CPS1: variants seen among roughly 807,000 people sequenced by gnomAD.
The protein encoded by CPS1 is carbamoyl-phosphate synthase 1, also known as carbamoyl-phosphate synthase [ammonia], mitochondrial.
In CPS1, 109 loss-of-function variants were observed where a neutral mutation model predicts 174.6. That is an observed-to-expected ratio of 0.62 (90% CI 0.53 to 0.73). The LOEUF (loss-of-function observed/expected upper bound fraction) is 0.73. Ranked by LOEUF, CPS1 falls within the 30% of genes least tolerant of loss-of-function variation. The pLI is 0.00. For missense variants in CPS1, 1,689 were observed against 1,821.9 expected, an observed-to-expected ratio of 0.93 and a Z score of 1.33; for synonymous variants, 637 against 632.0, an observed-to-expected ratio of 1.01 and a Z score of -0.12.
chr2:210,630,170 C>T (rs1699825012), intron 21 of CPS1, among the ~76,000 whole-genome samples: 2 of 151,550 alleles, frequency 1.3e-5, no homozygotes, highest in East Asian at 3.9e-4. Context: ...CTACATTAAG[C>T]GTTTTTCTTC....
At chr2:210,593,400 G>T in intron 11 of CPS1, 4 of 1,068,370 alleles carry the variant, frequency 3.7e-6, no homozygotes, top group Non-Finnish European at 4.5e-6. Context: ...GAGGGGAAGG[G>T]TGTTGGAGGG....
intron 21 of CPS1, chr2:210,619,156 A>C (rs1699418290): frequency 1.3e-5 from 2 of 152,138 alleles, no homozygotes; most frequent in African/African-American, 4.8e-5. Context: ...TTGGGAAAAG[A>C]GAAGTAAATT....
intron 21 of CPS1, among the ~76,000 whole-genome samples, chr2:210,630,312 A>T (rs888082725): frequency 6.6e-6 from 1 of 152,186 alleles, no homozygotes; most frequent in Non-Finnish European, 1.5e-5. Context: ...AGCAAAAAAG[A>T]ACAGGAAATT....
At chr2:210,657,850 T>C (rs974816719) in intron 30 of CPS1, among the ~76,000 whole-genome samples, 7 of 152,330 alleles carry the variant, frequency 4.6e-5, no homozygotes, top group Admixed American at 2.6e-4. Context: ...GGATCTCAAA[T>C]GTACTTCAGT....
intron 21 of CPS1, among the ~76,000 whole-genome samples, chr2:210,627,057 A>G (rs1699720052): frequency 6.6e-6 from 1 of 152,086 alleles, no homozygotes; most frequent in African/African-American, 2.4e-5. Flanking sequence ...CTTTTGCGAG[A>G]TATGACTTTT....
intron 6 of CPS1, among the ~76,000 whole-genome samples, chr2:210,585,502 G>T (rs1005982833): frequency 6.6e-6 from 1 of 151,828 alleles, no homozygotes; most frequent in Non-Finnish European, 1.5e-5. Context: ...ATATGAGATG[G>T]GTATTATTAG....
chr2:210,658,309 C>T (rs1408956703), intron 30 of CPS1: 3 of 366,836 alleles, frequency 8.2e-6, no homozygotes, highest in Non-Finnish European at 1.6e-5. Context: ...TCATTTAACC[C>T]TCAATGTAAA....
intron 1 of CPS1, among the ~76,000 whole-genome samples, chr2:210,542,729 A>G (rs1352097429): frequency 6.6e-6 from 1 of 152,094 alleles, no homozygotes; most frequent in African/African-American, 2.4e-5. Context: ...AAAATAAAAA[A>G]CATAAAAACA....
rs550369890 is a variant in CPS1, at chr2:210,492,649, A to G, written c.3+14883A>G. Among the ~76,000 whole-genome samples the G allele has an allele frequency of 5.3e-5, 8 of 152,226 alleles. No individual in the cohort carries two copies. The East Asian group carries it at 1.3e-3, about 26-fold the overall frequency. Reference sequence around the variant, plus strand: ...GGTTACATACTCAGGATATGTAGTAAGAGTGCACAAAAATTGAATTATTAA... The same window carrying G: ...GGTTACATACTCAGGATATGTAGTAGGAGTGCACAAAAATTGAATTATTAA... On this transcript the variant is annotated intron_variant, in intron 1 of 38. Coordinates refer to the CPS1 transcript ENST00000430249.
Position 210,595,501 on chromosome 2 carries a change from T to C in CPS1, c.1278T>C (p.Leu426=), listed in dbSNP as rs756314968. Residue 426 remains leucine, a synonymous_variant, in exon 13 of 38, where the codon CTT becomes CTC. Transcript: ENST00000233072. ...ATTGCTTATAGGTTTCCAAAGTCCT[T>C]ATTCTAGGATCAGGAGGTCTGTCCA... The part of the protein sequence containing the change: ...VASRVEVSKV[L]ILGSGGLSIG... 1 of 1,610,200 alleles carries C rather than the reference T, an allele frequency of 6.2e-7. No individual in the cohort carries two copies. Among genetic ancestry groups the C allele is most frequent in the African/African-American group, 1.3e-5 (1 of 74,692 alleles).
intron 1 of CPS1, among the ~76,000 whole-genome samples, chr2:210,523,489 C>T (rs967947460): frequency 1.8e-4 from 28 of 151,996 alleles, no homozygotes; most frequent in African/African-American, 6.8e-4. Context: ...TCTCTCACCT[C>T]CTTCCTACCC....
intron 6 of CPS1, among the ~76,000 whole-genome samples, chr2:210,586,443 A>G (rs1319908456): frequency 6.6e-6 from 1 of 152,060 alleles, no homozygotes; most frequent in Non-Finnish European, 1.5e-5. Flanking sequence ...GTGATGATAG[A>G]TGATAGAATG....
At position 210,625,490 on chromosome 2, in the gene CPS1, C is replaced by G. The variant is rs751554450; in HGVS notation, c.2687+8949C>G. ...TTTTAGGAGGTATGTGTCTCTATCCCATATTTTATGAAAGAAATGATGACT... is the reference window on the plus strand; with the variant it reads ...TTTTAGGAGGTATGTGTCTCTATCCGATATTTTATGAAAGAAATGATGACT... On this transcript the variant is annotated intron_variant, in intron 21 of 37. Coordinates refer to ENST00000233072, the MANE Select transcript of CPS1 (RefSeq NM_001875.5). Among the ~76,000 whole-genome samples, 4 of 152,006 alleles carry G rather than the reference C, an allele frequency of 2.6e-5. No individual in the cohort carries two copies. In the South Asian group the frequency reaches 8.3e-4, roughly 32 times the overall value.
chr2:210,565,399 A>G (rs1335946891), intron 1 of CPS1, among the ~76,000 whole-genome samples: 2 of 152,180 alleles, frequency 1.3e-5, no homozygotes. Context: ...CAGACTAAAA[A>G]ATGCCAAACT....
At chr2:210,549,016 A>G (rs922938176) in intron 1 of CPS1, among the ~76,000 whole-genome samples, 9 of 152,082 alleles carry the variant, frequency 5.9e-5, no homozygotes, top group Admixed American at 4.6e-4. Flanking sequence ...GAATGTGCGT[A>G]GGTGACCTGT....
chr2:210,599,547 CA>C lies in CPS1; in HGVS notation c.1536del (p.Ala513LeufsTer2). On this transcript the variant is annotated frameshift_variant, in exon 14 of 38. Transcript: ENST00000233072. LOFTEE classifies it high-confidence loss of function. ...DGLILGMGGQTALNCGVELFK... is the reference protein window; with the variant it reads ...DGLILGMGGQXALNCGVELFK... ...TTAATTCTGGGCATGGGTGGCCAGA[CA>C]GCTCTGAACTGTGGTGAGTTCTTAT... The C allele has an allele frequency of 6.2e-7, 1 of 1,612,370 alleles. No individual in the cohort carries two copies. The highest frequency in any genetic ancestry group is 8.5e-7 in the Non-Finnish European group (1 of 1,178,880).
chr2:210,622,377 CA>C (rs1025508558), intron 21 of CPS1, among the ~76,000 whole-genome samples: 4 of 151,330 alleles, frequency 2.6e-5, no homozygotes, highest in African/African-American at 9.7e-5. Context: ...TATATGTAAA[CA>C]TAAGCATATA....
chr2:210,637,584 C>T (rs1700076037), intron 21 of CPS1, 118 bp from the exon 22 acceptor site: 1 of 1,065,802 alleles, frequency 9.4e-7, no homozygotes, highest in African/African-American at 1.6e-5. Flanking sequence ...GATAACAAGA[C>T]TTAAATATGT....
chr2:210,532,724 CAT>C (rs1010554631), intron 1 of CPS1, among the ~76,000 whole-genome samples: 6 of 152,032 alleles, frequency 3.9e-5, no homozygotes, highest in African/African-American at 1.4e-4. Flanking sequence ...TCTAAATAAA[CAT>C]ATGTGTTTAC....
Sources: gnomAD v4.1 joint callset for allele counts (sites outside exome capture counted in the v4.1 genomes callset) on GRCh38, gnomAD v4.1.1 for gene constraint, MANE v1.5 for transcripts, NCBI Gene and HGNC (gene_info 2026-07-23, HGNC 2026-07-21) for gene names.